Variants in CSMD3 observed in about 807,000 individuals in gnomAD.
CSMD3 encodes the protein CUB and sushi domain-containing protein 3.
In CSMD3, 177 loss-of-function variants were observed where a neutral mutation model predicts 435.2. The ratio of observed to expected loss-of-function variants is 0.41; its 90% confidence interval spans 0.36 to 0.46. The LOEUF (loss-of-function observed/expected upper bound fraction) is 0.46, where lower values mean the gene tolerates loss of function less well. CSMD3 is among the 20% of genes least tolerant of loss of function. CSMD3 has a pLI of 0.34. For synonymous variants in CSMD3, 1,656 were observed against 1,520.5 expected (o/e 1.09, Z -2.07); for missense variants, 4,265 against 4,504.6 (o/e 0.95, Z 1.52).
intron 5 of CSMD3, among the ~76,000 whole-genome samples, chr8:113,095,817 T>C (rs1034134705): frequency 6.6e-6 from 1 of 152,162 alleles, no homozygotes; most frequent in Non-Finnish European, 1.5e-5. Context: ...ATGCAAATAT[T>C]ACTACATTTT....
At chr8:112,848,547 A>G (rs1342763934) in intron 11 of CSMD3, among the ~76,000 whole-genome samples, 1 of 152,140 alleles carries the variant, frequency 6.6e-6, no homozygotes, top group East Asian at 1.9e-4. Flanking sequence ...TGATAATGTC[A>G]TTCACTAAAA....
intron 5 of CSMD3, among the ~76,000 whole-genome samples, chr8:113,032,910 G>A (rs1468565459): frequency 6.6e-6 from 1 of 151,498 alleles, no homozygotes; most frequent in Non-Finnish European, 1.5e-5. Context: ...AGCTGTTAAA[G>A]CTCCAGCCAT....
chr8:112,442,181 T>A (rs1024625077), intron 32 of CSMD3, among the ~76,000 whole-genome samples: 1 of 152,114 alleles, frequency 6.6e-6, no homozygotes, highest in African/African-American at 2.4e-5. Context: ...AACAACCATG[T>A]CGAGTGTGAA....
chr8:112,530,927 G>A (rs1357491325), intron 27 of CSMD3, among the ~76,000 whole-genome samples: 1 of 152,174 alleles, frequency 6.6e-6, no homozygotes, highest in African/African-American at 2.4e-5. Context: ...TTCAGTGGCA[G>A]CAATTCTGTA....
intron 9 of CSMD3, among the ~76,000 whole-genome samples, chr8:112,931,155 A>AT (rs371817006): frequency 8.6e-5 from 13 of 151,918 alleles, no homozygotes; most frequent in South Asian, 4.2e-4. Flanking sequence ...ATACTTCATC[A>AT]TTTTTTTTAT....
At chr8:112,995,830 G>A (rs1207545505) in intron 6 of CSMD3, among the ~76,000 whole-genome samples, 4 of 150,428 alleles carry the variant, frequency 2.7e-5, no homozygotes, top group Admixed American at 6.7e-5. Context: ...GACATTTTCA[G>A]TTGTCTTTAC....
rs1174882135 is a variant in CSMD3 at position 113,193,151 on chromosome 8, T to A, written c.515-19235A>T. The stretch of plus-strand genomic sequence containing the variant: ...TGTGTGTGGAGCATGTGTCAATATT[T>A]TGCATGGAAACACTCACTTATTCCA... On this transcript the variant is annotated intron_variant, in intron 3 of 70. Transcript: ENST00000297405. Among the ~76,000 whole-genome samples, 7 of 151,238 alleles carry A rather than the reference T, an allele frequency of 4.6e-5. No individual in the cohort carries two copies. In the East Asian group the frequency reaches 1.2e-3, roughly 25 times the overall value.
chr8:112,548,213 C>T (rs1274066360), intron 27 of CSMD3, among the ~76,000 whole-genome samples: 1 of 152,114 alleles, frequency 6.6e-6, no homozygotes, highest in Non-Finnish European at 1.5e-5. Context: ...TTCAGATGGG[C>T]ATGTATGTAC....
intron 4 of CSMD3, among the ~76,000 whole-genome samples, chr8:113,152,330 C>T (rs76287361): frequency 2.3e-4 from 35 of 152,104 alleles, no homozygotes; most frequent in East Asian, 1.2e-3. Context: ...CTCTATTTCA[C>T]GAAGATACGT....
rs773265097 is a variant in CSMD3 at position 112,567,400 on chromosome 8, T to C, written c.4042+6101A>G. On this transcript the variant is annotated intron_variant, in intron 24 of 70. Transcript: ENST00000297405. ...CTTACCTTTTGTTCATAACTTTCTT[T>C]TATGTCTTGCCCCACTAAAAAGTTA... is the stretch of plus-strand genomic sequence containing the variant. Among the ~76,000 whole-genome samples the C allele has an allele frequency of 1.3e-5, 2 of 152,176 alleles. 1 individual carries two copies. The highest frequency in any genetic ancestry group is 2.9e-5 in the Non-Finnish European group (2 of 68,034).
chr8:112,351,298 A>G, intron 39 of CSMD3, 54 bp from the exon 40 acceptor site: 3 of 1,124,452 alleles, frequency 2.7e-6, no homozygotes, highest in South Asian at 2.5e-5. Flanking sequence ...GTTTAAATTT[A>G]TTGTAGCATA....
chr8:113,290,816 T>C (rs921648193), intron 2 of CSMD3, among the ~76,000 whole-genome samples: 3 of 151,592 alleles, frequency 2.0e-5, no homozygotes, highest in Admixed American at 6.6e-5. Context: ...CAGTCAATTA[T>C]TATACTATTT....
chr8:113,115,669 A>C (rs1484901473), intron 4 of CSMD3, among the ~76,000 whole-genome samples: 2 of 152,200 alleles, frequency 1.3e-5, no homozygotes, highest in African/African-American at 4.8e-5. Flanking sequence ...ACGTGTCACT[A>C]ATTTAACTGT....
At chr8:112,664,256 C>G (rs928567367) in intron 17 of CSMD3, among the ~76,000 whole-genome samples, 8 of 151,876 alleles carry the variant, frequency 5.3e-5, no homozygotes, top group East Asian at 1.9e-4. Flanking sequence ...AATTTAAAAA[C>G]TGAAAAATAT....
chr8:113,390,331 G>A (rs2094456380), intron 1 of CSMD3, among the ~76,000 whole-genome samples: 2 of 151,628 alleles, frequency 1.3e-5, no homozygotes, highest in Non-Finnish European at 2.9e-5. Context: ...GTATTTCACT[G>A]ACCCAGGAGA....
chr8:113,044,181 A>C (rs893892027), intron 5 of CSMD3, among the ~76,000 whole-genome samples: 1 of 152,104 alleles, frequency 6.6e-6, no homozygotes, highest in Non-Finnish European at 1.5e-5. Flanking sequence ...ATTTCAAAGT[A>C]TTATGATACT....
At chr8:113,198,870 T>C (rs886883004) in intron 3 of CSMD3, among the ~76,000 whole-genome samples, 17 of 151,242 alleles carry the variant, frequency 1.1e-4, no homozygotes, top group African/African-American at 3.9e-4. Flanking sequence ...CCCAAAAGAA[T>C]TAAACAGAGC....
At chr8:113,048,584 C>T (rs562518130) in intron 5 of CSMD3, among the ~76,000 whole-genome samples, 2 of 151,804 alleles carry the variant, frequency 1.3e-5, no homozygotes, top group South Asian at 4.1e-4. Flanking sequence ...AGAAAGATTA[C>T]ATTTGAATAA....
intron 6 of CSMD3, among the ~76,000 whole-genome samples, chr8:112,978,169 A>T (rs560318422): frequency 6.6e-6 from 1 of 152,194 alleles, no homozygotes; most frequent in African/African-American, 2.4e-5. Context: ...TTTTAATAAA[A>T]GAAACTATTA....
Sources: allele counts gnomAD v4.1 joint callset (sites outside exome capture counted in the v4.1 genomes callset), GRCh38; gene constraint gnomAD v4.1.1; transcripts MANE v1.5; gene names NCBI Gene and HGNC (gene_info 2026-07-23, HGNC 2026-07-21).